BCL2: variants seen among roughly 807,000 people sequenced by gnomAD.
The protein encoded by BCL2 is apoptosis regulator Bcl-2.
BCL2 carries 1 observed loss-of-function variant against 14.2 expected under a neutral mutation model. That is an observed-to-expected ratio of 0.07 (90% confidence interval 0.02 to 0.33). The LOEUF (loss-of-function observed/expected upper bound fraction) is 0.33, where lower values mean the gene tolerates loss of function less well. BCL2 is among the 10% of genes least tolerant of loss of function. BCL2 has a pLI of 0.99. For missense variants in BCL2, 247 were observed against 305.9 expected (o/e 0.81, Z 1.44); for synonymous variants, 151 against 137.2 (o/e 1.10, Z -0.70).
chr18:63,255,835 C>T (rs995939299), intron 2 of BCL2, among the ~76,000 whole-genome samples: 33 of 151,458 alleles, frequency 2.2e-4, no homozygotes, highest in Admixed American at 1.3e-3. Context: ...CCTCCCCCCC[C>T]GCCACACACA....
At chr18:63,285,208 A>T (rs1305313545) in intron 2 of BCL2, among the ~76,000 whole-genome samples, 1 of 152,204 alleles carries the variant, frequency 6.6e-6, no homozygotes, top group African/African-American at 2.4e-5. Flanking sequence ...CACTGGGGGA[A>T]CTTCTCGCCC....
chr18:63,222,416 G>GA (rs34843082), intron 2 of BCL2, among the ~76,000 whole-genome samples: 4 of 150,800 alleles, frequency 2.7e-5, no homozygotes, highest in East Asian at 3.9e-4. Context: ...GTGATAAAGG[G>GA]AAAAAAAAAA....
In BCL2 at chr18:63,246,374, C is replaced by T. The variant is rs551077823; in HGVS notation, c.585+71708G>A. ...TTCCCCCTGTATTAGTCCGTGTTCACGCTGCTGGTAAAGATATACCCAAGA... is the reference window on the plus strand; with the variant it reads ...TTCCCCCTGTATTAGTCCGTGTTCATGCTGCTGGTAAAGATATACCCAAGA... On this transcript the variant is annotated intron_variant, in intron 2 of 2. Coordinates refer to ENST00000333681, the MANE Select transcript of BCL2 (RefSeq NM_000633.3). 5.1e-4 allele frequency among the ~76,000 whole-genome samples: 78 copies of T among 152,256 alleles called. 1 individual carries two copies. The Middle Eastern group carries it at 0.014, about 27-fold the overall frequency.
intron 2 of BCL2, among the ~76,000 whole-genome samples, chr18:63,285,296 G>C (rs890248470): frequency 6.6e-6 from 1 of 152,228 alleles, no homozygotes; most frequent in Non-Finnish European, 1.5e-5. Flanking sequence ...CCATTGCCCT[G>C]GAGATGGGAT....
intron 2 of BCL2, among the ~76,000 whole-genome samples, chr18:63,277,552 G>A (rs1912189996): frequency 1.3e-5 from 2 of 151,518 alleles, no homozygotes; most frequent in Non-Finnish European, 2.9e-5. Context: ...CACTTGCCTG[G>A]GTGACAGAGG....
chr18:63,175,370 A>G (rs1257728024), intron 2 of BCL2, among the ~76,000 whole-genome samples: 1 of 152,368 alleles, frequency 6.6e-6, no homozygotes, highest in East Asian at 1.9e-4. Context: ...TGTACTGCCT[A>G]GAGACTTTCA....
chr18:63,255,785 T>C (rs943558692), intron 2 of BCL2, among the ~76,000 whole-genome samples: 2 of 151,826 alleles, frequency 1.3e-5, no homozygotes, highest in East Asian at 1.9e-4. Flanking sequence ...GAAGGTGCTA[T>C]ATATTACCAT....
rs139274335 is a variant in BCL2 at position 63,266,013 on chromosome 18, T to C, written c.585+52069A>G. 1.9e-3 allele frequency among the ~76,000 whole-genome samples: 290 copies of C among 152,238 alleles called. 1 individual carries two copies. Among genetic ancestry groups the C allele is most frequent in the African/African-American group, 6.9e-3 (285 of 41,546 alleles). The stretch of plus-strand genomic sequence containing the variant: ...CGTTATGAGGGACAATCTGGCACTA[T>C]CTATCAAAATTATAAATGCACCTGC... On this transcript the variant is annotated intron_variant, in intron 2 of 2. Transcript: ENST00000333681.
chr18:63,183,743 G>A (rs368770738), intron 2 of BCL2, among the ~76,000 whole-genome samples: 39 of 152,336 alleles, frequency 2.6e-4, no homozygotes, highest in African/African-American at 7.9e-4. Flanking sequence ...ACAGATGTCT[G>A]AGAATTGTAT....
At chr18:63,203,834 T>C (rs375757048) in intron 2 of BCL2, among the ~76,000 whole-genome samples, 89 of 152,354 alleles carry the variant, frequency 5.8e-4, no homozygotes, top group African/African-American at 2.0e-3. Context: ...ATAACAGACA[T>C]ACTTGTATTT....
At chr18:63,302,934 T>C (rs777565048) in intron 2 of BCL2, 1 of 957,840 alleles carries the variant, frequency 1.0e-6, no homozygotes, top group African/African-American at 1.8e-5. Flanking sequence ...TAACTCTCCC[T>C]TGATACGCCC....
chr18:63,208,902 G>A (rs755595046), intron 2 of BCL2, among the ~76,000 whole-genome samples: 2 of 152,086 alleles, frequency 1.3e-5, no homozygotes, highest in Non-Finnish European at 1.5e-5. Flanking sequence ...CTATGGGGAT[G>A]GACACAAACA....
chr18:63,292,309 G>T (rs1912675178), intron 2 of BCL2, among the ~76,000 whole-genome samples: 2 of 151,876 alleles, frequency 1.3e-5, no homozygotes, highest in Admixed American at 1.3e-4. Context: ...GCTTGCCTGG[G>T]ACCATCCTGG....
intron 2 of BCL2, among the ~76,000 whole-genome samples, chr18:63,303,945 T>G (rs978133425): frequency 4.6e-5 from 7 of 152,238 alleles, no homozygotes; most frequent in African/African-American, 1.7e-4. Context: ...TTTAAACTGA[T>G]GTAAGGGCTA....
intron 2 of BCL2, among the ~76,000 whole-genome samples, chr18:63,145,431 G>C (rs1343281528): frequency 5.9e-5 from 9 of 152,156 alleles, no homozygotes. Flanking sequence ...TCGCCCCACT[G>C]CCCCGTCACC....
intron 2 of BCL2, among the ~76,000 whole-genome samples, chr18:63,236,267 G>A (rs1456528440): frequency 6.6e-6 from 1 of 152,160 alleles, no homozygotes; most frequent in African/African-American, 2.4e-5. Flanking sequence ...CCAGTCTCGG[G>A]TATTTCTTCA....
chr18:63,212,210 C>T (rs1265992138), intron 2 of BCL2, among the ~76,000 whole-genome samples: 3 of 151,410 alleles, frequency 2.0e-5, no homozygotes, highest in Non-Finnish European at 4.4e-5. Flanking sequence ...CCTGTAGTCC[C>T]AGCTACTCGG....
At chr18:63,233,138 C>T (rs937061287) in intron 2 of BCL2, among the ~76,000 whole-genome samples, 7 of 152,316 alleles carry the variant, frequency 4.6e-5, no homozygotes, top group African/African-American at 1.7e-4. Flanking sequence ...ACTAAACCCA[C>T]TCATGAGGGC....
chr18:63,221,523 A>G (rs901239941), intron 2 of BCL2, among the ~76,000 whole-genome samples: 7 of 152,204 alleles, frequency 4.6e-5, no homozygotes, highest in Non-Finnish European at 7.3e-5. Flanking sequence ...TGTAAGGCTG[A>G]CTACACAGTG....
Sources: gnomAD v4.1 joint callset for allele counts (sites outside exome capture counted in the v4.1 genomes callset) on GRCh38, gnomAD v4.1.1 for gene constraint, MANE v1.5 for transcripts, NCBI Gene and HGNC (gene_info 2026-07-23, HGNC 2026-07-21) for gene names.